VAV3: variants seen among roughly 807,000 people sequenced by gnomAD.
VAV3 encodes guanine nucleotide exchange factor VAV3.
In VAV3, 94 loss-of-function variants were observed where a neutral mutation model predicts 131.2. That is an observed-to-expected ratio of 0.72 (90% CI 0.61 to 0.85). The LOEUF (loss-of-function observed/expected upper bound fraction) is 0.85, where lower values mean the gene tolerates loss of function less well. Among genes scored for constraint, VAV3 ranks in the 40% least tolerant of loss-of-function variants. VAV3 has a pLI of 0.00. For synonymous variants in VAV3, 349 were observed against 342.0 expected (o/e 1.02, Z -0.22); for missense variants, 939 against 1,002.7 (o/e 0.94, Z 0.86).
chr1:107,936,985 G>A (rs1278125246), intron 1 of VAV3, among the ~76,000 whole-genome samples: 1 of 151,998 alleles, frequency 6.6e-6, no homozygotes, highest in East Asian at 1.9e-4. Flanking sequence ...CAAAGACTAC[G>A]GGAAATGGGA....
At chr1:107,691,473 C>A (rs1423464444) in intron 17 of VAV3, among the ~76,000 whole-genome samples, 1 of 152,118 alleles carries the variant, frequency 6.6e-6, no homozygotes, top group East Asian at 1.9e-4. Flanking sequence ...ATCATCAAAT[C>A]TATTTTGGCT....
chr1:107,661,218 A>G (rs1022137612), intron 19 of VAV3, among the ~76,000 whole-genome samples: 1 of 152,296 alleles, frequency 6.6e-6, no homozygotes, highest in African/African-American at 2.4e-5. Flanking sequence ...AGGATCTGCT[A>G]GCTGGAGCTC....
rs17229705 is a variant in VAV3, at chr1:107,596,339, T to C, written c.2223A>G (p.Glu741=). Reference sequence around the variant, plus strand: ...AATGATGCTTGTAGTACTCCACAAGTTCCTTTGGAAAAAAGAATCCAACAT... The same window carrying C: ...AATGATGCTTGTAGTACTCCACAAGCTCCTTTGGAAAAAAGAATCCAACAT... ...AENRKFKSLM[E]LVEYYKHHSL... is the part of the protein sequence containing the mutation. Residue 741 remains glutamate, a splice_region_variant and synonymous_variant, in exon 25 of 27, where the codon GAA becomes GAG. Coordinates refer to ENST00000370056, the MANE Select transcript of VAV3 (RefSeq NM_006113.5). 91,141 of 1,610,188 alleles carry C rather than the reference T, an allele frequency of 0.057. 2,785 individuals carry two copies. The highest frequency in any genetic ancestry group is 0.091 in the Middle Eastern group (549 of 6,052).
intron 1 of VAV3, among the ~76,000 whole-genome samples, chr1:107,898,878 G>C (rs1343085377): frequency 1.3e-5 from 2 of 152,036 alleles, no homozygotes; most frequent in Non-Finnish European, 2.9e-5. Context: ...TAATGGGAAG[G>C]TTCTTCATTC....
At chr1:107,881,738 A>G (rs1670792369) in intron 1 of VAV3, among the ~76,000 whole-genome samples, 1 of 152,206 alleles carries the variant, frequency 6.6e-6, no homozygotes, top group Non-Finnish European at 1.5e-5. Flanking sequence ...TCCTAAAATT[A>G]TAAATCAGGC....
At chr1:107,669,098 T>A in intron 19 of VAV3, 1 of 1,091,342 alleles carries the variant, frequency 9.2e-7, no homozygotes, top group Non-Finnish European at 1.1e-6. Context: ...AAATGAGTTA[T>A]GCCGGTGTTC....
chr1:107,612,157 T>C (rs541981814), intron 21 of VAV3, among the ~76,000 whole-genome samples: 30 of 146,234 alleles, frequency 2.1e-4, no homozygotes, highest in African/African-American at 6.5e-4. Flanking sequence ...CACACACACA[T>C]ACATACAGAA....
At chr1:107,960,473 A>T (rs1675032078) in intron 1 of VAV3, among the ~76,000 whole-genome samples, 1 of 151,976 alleles carries the variant, frequency 6.6e-6, no homozygotes, top group Non-Finnish European at 1.5e-5. Context: ...CTCAAAAAAA[A>T]AAAGAAAAGA....
At chr1:107,902,545 T>A (rs1671911249) in intron 1 of VAV3, among the ~76,000 whole-genome samples, 1 of 152,204 alleles carries the variant, frequency 6.6e-6, no homozygotes, top group African/African-American at 2.4e-5. Flanking sequence ...ATGTAGGAGT[T>A]TTTTAGGTAA....
At chr1:107,699,231 C>T (rs1029852994) in intron 17 of VAV3, among the ~76,000 whole-genome samples, 5 of 152,246 alleles carry the variant, frequency 3.3e-5, no homozygotes, top group African/African-American at 4.8e-5. Flanking sequence ...AATAGGGGTA[C>T]AGGCATTGTG....
At chr1:107,784,777 A>T (rs889429826) in intron 2 of VAV3, among the ~76,000 whole-genome samples, 1 of 152,234 alleles carries the variant, frequency 6.6e-6, no homozygotes, top group Non-Finnish European at 1.5e-5. Flanking sequence ...CAAATAAAAG[A>T]GTAATACCTT....
intron 10 of VAV3, among the ~76,000 whole-genome samples, chr1:107,759,755 G>A (rs1664313552): frequency 6.6e-6 from 1 of 152,018 alleles, no homozygotes; most frequent in African/African-American, 2.4e-5. Context: ...AACCCTGTAA[G>A]GACCAAAATA....
intron 25 of VAV3, among the ~76,000 whole-genome samples, chr1:107,593,973 C>G (rs779402738): frequency 6.6e-6 from 1 of 151,920 alleles, no homozygotes; most frequent in Non-Finnish European, 1.5e-5. Context: ...ATATAGAACA[C>G]CTCATTTAGT....
At chr1:107,735,404 T>C (rs528990972) in intron 15 of VAV3, among the ~76,000 whole-genome samples, 2 of 151,976 alleles carry the variant, frequency 1.3e-5, no homozygotes, top group Admixed American at 1.3e-4. Flanking sequence ...CTTCAAAAAA[T>C]CAACGAATCC....
chr1:107,771,672 A>G (rs144040290), intron 5 of VAV3, among the ~76,000 whole-genome samples: 3 of 152,390 alleles, frequency 2.0e-5, no homozygotes, highest in African/African-American at 7.2e-5. Context: ...GATAAACAGT[A>G]TAAAGCACTT....
At chr1:107,896,611 C>T (rs764549071) in intron 1 of VAV3, among the ~76,000 whole-genome samples, 30 of 152,274 alleles carry the variant, frequency 2.0e-4, no homozygotes, top group African/African-American at 6.3e-4. Context: ...TAAATCTAAT[C>T]GCAACCCAAG....
At position 107,704,934 on chromosome 1, in the gene VAV3, T is replaced by C. The variant is rs369300329; in HGVS notation, c.1604+26A>G. The C allele has an allele frequency of 1.4e-5, 22 of 1,599,496 alleles. No individual in the cohort carries two copies. In the African/African-American group the frequency reaches 2.1e-4, roughly 16 times the overall value. ...AGCAATTATATCAGTTCCTTTAAAC[T>C]GAAAACCAGGACTGAGCAGGCTTAC... On this transcript the variant is annotated intron_variant, in intron 16 of 26. Transcript: ENST00000370056.
chr1:107,722,546 A>C (rs1461765901), intron 15 of VAV3, among the ~76,000 whole-genome samples: 1 of 152,184 alleles, frequency 6.6e-6, no homozygotes, highest in East Asian at 1.9e-4. Flanking sequence ...ATTCCAACAA[A>C]TGGACTTATT....
chr1:107,711,711 C>CT (rs981218082), intron 15 of VAV3, among the ~76,000 whole-genome samples: 101 of 149,600 alleles, frequency 6.8e-4, no homozygotes, highest in South Asian at 4.5e-3. Context: ...CGTAAGTAGT[C>CT]TTTTTTTTTT....
Sources: gnomAD v4.1 joint callset for allele counts (sites outside exome capture counted in the v4.1 genomes callset) on GRCh38, gnomAD v4.1.1 for gene constraint, MANE v1.5 for transcripts, NCBI Gene and HGNC (gene_info 2026-07-23, HGNC 2026-07-21) for gene names.